The following SUSD1 variants were observed in gnomAD, a reference collection of about 807,000 sequenced individuals.
SUSD1 encodes sushi domain containing 1, also known as sushi domain-containing protein 1.
SUSD1 carries 65 observed loss-of-function variants against 86.9 expected under a neutral mutation model. The ratio of observed to expected loss-of-function variants is 0.75; its 90% CI spans 0.61 to 0.92. The LOEUF (loss-of-function observed/expected upper bound fraction) is 0.92, where lower values mean the gene tolerates loss of function less well. Among genes scored for constraint, SUSD1 ranks in the 40% least tolerant of loss-of-function variants. The pLI is 0.00. For synonymous variants in SUSD1, 346 were observed against 350.0 expected, an observed-to-expected ratio of 0.99 and a Z score of 0.13; for missense variants, 850 against 929.7, an observed-to-expected ratio of 0.91 and a Z score of 1.11.
intron 3 of SUSD1, among the ~76,000 whole-genome samples, chr9:112,144,513 A>T (rs1458219712): frequency 6.6e-6 from 1 of 152,124 alleles, no homozygotes; most frequent in Non-Finnish European, 1.5e-5. Flanking sequence ...CAGGCCTGGC[A>T]CGGTGGCTCA....
chr9:112,057,159 C>T (rs536901069), intron 14 of SUSD1, among the ~76,000 whole-genome samples: 1 of 152,262 alleles, frequency 6.6e-6, no homozygotes, highest in African/African-American at 2.4e-5. Context: ...CACGTGAGGA[C>T]ACTGTAAGAA....
intron 5 of SUSD1, among the ~76,000 whole-genome samples, chr9:112,136,322 C>T (rs905059485): frequency 2.6e-5 from 4 of 152,180 alleles, no homozygotes; most frequent in Non-Finnish European, 5.9e-5. Context: ...TAACCTTGAA[C>T]TCCTGGGTTC....
chr9:112,119,895 T>C (rs1831481132), intron 6 of SUSD1, among the ~76,000 whole-genome samples: 1 of 152,138 alleles, frequency 6.6e-6, no homozygotes, highest in Non-Finnish European at 1.5e-5. Flanking sequence ...GTGGCTTCCT[T>C]ACAAACAACC....
rs1347646366 is a variant in SUSD1 at position 112,052,538 on chromosome 9, A to G, written c.2110-100T>C. ...AGCCCTCTGAGTTTCAGCTTTTTCA[A>G]TCTCTTAATCTGAACTAGACCTTTA... On this transcript the variant is annotated intron_variant, in intron 14 of 16. Transcript: ENST00000374270. 4 of 1,329,776 alleles carry G rather than the reference A, an allele frequency of 3.0e-6. No individual in the cohort carries two copies. The South Asian group carries it at 3.6e-5, about 12-fold the overall frequency. 82.4% of individuals were successfully genotyped at this position (1,329,776 alleles called of 1,614,324 possible). A position where few individuals can be genotyped will look rare whatever the true frequency, so the allele number is the denominator to read the frequency against.
At chr9:112,165,106 GC>G (rs1833724494) in intron 1 of SUSD1, among the ~76,000 whole-genome samples, 1 of 152,164 alleles carries the variant, frequency 6.6e-6, no homozygotes, top group South Asian at 2.1e-4. Context: ...AGGATAAAGA[GC>G]CCCCCGAAAG....
At chr9:112,109,576 C>T (rs1456324468) in intron 8 of SUSD1, among the ~76,000 whole-genome samples, 1 of 152,186 alleles carries the variant, frequency 6.6e-6, no homozygotes, top group African/African-American at 2.4e-5. Context: ...CAGCCATGAT[C>T]AGCCAACTCT....
chr9:112,172,934 T>C (rs1450360971), intron 1 of SUSD1, among the ~76,000 whole-genome samples: 5 of 152,198 alleles, frequency 3.3e-5, no homozygotes, highest in Non-Finnish European at 7.3e-5. Flanking sequence ...GGAGAATGTC[T>C]AGATAAGGAG....
chr9:112,062,587 C>A (rs1828777135), intron 13 of SUSD1, among the ~76,000 whole-genome samples: 2 of 152,038 alleles, frequency 1.3e-5, no homozygotes. Flanking sequence ...CCCAGCTACT[C>A]AGGAGGCAGT....
intron 11 of SUSD1, among the ~76,000 whole-genome samples, chr9:112,079,865 G>GTACTGGGATTTCAAAT (rs1277846141): frequency 1.3e-5 from 2 of 152,124 alleles, no homozygotes; most frequent in African/African-American, 4.8e-5. Context: ...GCCTCTCAAA[G>GTACTGGGATTTCAAAT]TACTGGGATT....
At chr9:112,075,240 A>G (rs1333693252) in intron 12 of SUSD1, among the ~76,000 whole-genome samples, 2 of 152,170 alleles carry the variant, frequency 1.3e-5, no homozygotes, top group Non-Finnish European at 2.9e-5. Context: ...TTCATTGCCT[A>G]ACCAGACATC....
Position 112,041,180 on chromosome 9 carries a change from C to G in SUSD1, c.*312G>C. 2 of 516,070 alleles carry G rather than the reference C, an allele frequency of 3.9e-6. No homozygotes were observed. The highest frequency in any genetic ancestry group is 6.9e-6 in the Non-Finnish European group (2 of 288,678). The allele number at this position is 516,070 out of a possible 1,614,324, so 32.0% of individuals were successfully genotyped here. A position where few individuals can be genotyped will look rare whatever the true frequency, so the allele number is the denominator to read the frequency against. On this transcript the variant is annotated 3_prime_UTR_variant, in exon 17 of 17. Coordinates refer to ENST00000374270, the MANE Select transcript of SUSD1 (RefSeq NM_022486.5). The stretch of plus-strand genomic sequence containing the variant: ...AGGCATCACTCAGAGGAAGTCCCAG[C>G]CAAGATTCACAGATCTGTATGTAGC...
intron 4 of SUSD1, among the ~76,000 whole-genome samples, chr9:112,143,211 CCT>C (rs1832659591): frequency 6.6e-6 from 1 of 151,708 alleles, no homozygotes; most frequent in African/African-American, 2.4e-5. Context: ...GTCTCGAACT[CCT>C]GACCTCAAGT....
At position 112,124,441 on chromosome 9, in the gene SUSD1, A is replaced by G. The variant is rs988545207; in HGVS notation, c.707-5T>C. On this transcript the variant is annotated splice_polypyrimidine_tract_variant and splice_region_variant and intron_variant, in intron 5 of 16. Coordinates refer to ENST00000374270, the MANE Select transcript of SUSD1 (RefSeq NM_022486.5). Reference sequence around the variant, plus strand: ...GAGGGTTGCCACAGTTGATCTCTGCAATGGGAACCAAGACAGCACTGGTTA... The same window carrying G: ...GAGGGTTGCCACAGTTGATCTCTGCGATGGGAACCAAGACAGCACTGGTTA... 6.2e-7 allele frequency: 1 copy of G among 1,613,206 alleles called. No individual in the cohort carries two copies.
intron 5 of SUSD1, among the ~76,000 whole-genome samples, chr9:112,130,775 G>A (rs1356136797): frequency 6.6e-6 from 1 of 150,572 alleles, no homozygotes; most frequent in East Asian, 1.9e-4. Flanking sequence ...TGTAATCCCA[G>A]CACTTTGGAA....
chr9:112,046,856 T>C (rs1827977148), intron 15 of SUSD1, among the ~76,000 whole-genome samples: 1 of 152,234 alleles, frequency 6.6e-6, no homozygotes. Flanking sequence ...AGTTTAAAGA[T>C]TAATTTAAAG....
rs56781280 is a variant in SUSD1 at position 112,142,454 on chromosome 9, A to G, written c.572T>C (p.Ile191Thr). 5.5e-4 allele frequency: 889 copies of G among 1,614,044 alleles called. 9 individuals carry two copies. The East Asian group carries it at 0.017, about 30-fold the overall frequency. Residue 191 changes from isoleucine to threonine, a missense_variant, in exon 5 of 17, where the codon ATA (isoleucine) becomes ACA (threonine). Ile to Thr is a moderately conservative substitution (Grantham distance 89). Coordinates refer to ENST00000374270, the MANE Select transcript of SUSD1 (RefSeq NM_022486.5). The stretch of plus-strand genomic sequence containing the variant: ...GCCCAGACTAGACGTATAATTTCCT[A>G]TGATATAGCCATCTGGAACCTCAGG... ...TPPEVPDGYI[I>T]GNYTSSLGSQ... is the part of the protein sequence containing the mutation.
chr9:112,058,732 G>A, intron 13 of SUSD1, 46 bp from the exon 14 acceptor site: 1 of 1,592,110 alleles, frequency 6.3e-7, no homozygotes, highest in Non-Finnish European at 8.5e-7. Flanking sequence ...TGCATGGGGA[G>A]TTCATTCATT....
chr9:112,063,776 A>G (rs1828841847), intron 12 of SUSD1, among the ~76,000 whole-genome samples: 1 of 152,230 alleles, frequency 6.6e-6, no homozygotes, highest in South Asian at 2.1e-4. Flanking sequence ...AGTAAGACAT[A>G]CTGGGCACTA....
At chr9:112,124,530 C>T (rs1304117263) in intron 5 of SUSD1, 94 bp from the exon 6 acceptor site, 1 of 1,207,032 alleles carries the variant, frequency 8.3e-7, no homozygotes, top group East Asian at 2.6e-5. Flanking sequence ...GTGATAGAGG[C>T]CACTCAAACA....
Sources: gnomAD v4.1 joint callset for allele counts (sites outside exome capture counted in the v4.1 genomes callset) on GRCh38, gnomAD v4.1.1 for gene constraint, MANE v1.5 for transcripts, NCBI Gene and HGNC (gene_info 2026-07-23, HGNC 2026-07-21) for gene names.